Variants in ACACA observed in about 807,000 individuals in gnomAD.
ACACA encodes acetyl-CoA carboxylase alpha.
ACACA carries 103 observed loss-of-function variants against 296.1 expected under a neutral mutation model. The observed-to-expected ratio is 0.35, with a 90% confidence interval of 0.30 to 0.41. ACACA has a LOEUF of 0.41. Among genes scored for constraint, ACACA ranks in the 10% least tolerant of loss-of-function variants. ACACA has a pLI of 1.00. For synonymous variants in ACACA, 953 were observed against 1,038.6 expected (o/e 0.92, Z 1.58); for missense variants, 1,554 against 2,989.7 (o/e 0.52, Z 11.20).
intron 3 of ACACA, among the ~76,000 whole-genome samples, chr17:37,295,277 GAA>G (rs1236016439): frequency 6.6e-6 from 1 of 152,046 alleles, no homozygotes. Flanking sequence ...AGTTGGAAAG[GAA>G]AAGAGAGAGA....
chr17:37,119,235 T>C (rs141221356), intron 50 of ACACA, among the ~76,000 whole-genome samples: 3 of 152,284 alleles, frequency 2.0e-5, no homozygotes, highest in Non-Finnish European at 4.4e-5. Flanking sequence ...AATATCCTGG[T>C]ATTTTGTTTA....
chr17:37,247,361 C>G (rs191397206), intron 18 of ACACA, among the ~76,000 whole-genome samples: 3 of 135,056 alleles, frequency 2.2e-5, no homozygotes, highest in African/African-American at 9.9e-5. Context: ...TGGTGTTGAA[C>G]ATTTGTGAAT....
intron 18 of ACACA, 80 bp downstream of exon 18, chr17:37,247,931 G>C: frequency 6.3e-7 from 1 of 1,580,214 alleles, no homozygotes; most frequent in East Asian, 2.2e-5. Context: ...GAAAAGCCTG[G>C]GAAAATCCCA....
In ACACA at chr17:37,243,502, G is replaced by A; in HGVS notation, c.2800C>T (p.Leu934=). ...KTLRDPSLPL[L]ELQDIMTSVS... ...CTGGTCATAATATCTTGCAATTCTA[G>A]GAGAGGCAGGGAGGGATCTCTGAGG... The change falls in exon 22 of 56, where the codon CTA becomes TTA. Residue 934 remains leucine (L), a synonymous_variant. Transcript: ENST00000616317. The A allele has an allele frequency of 6.2e-7, 1 of 1,614,148 alleles. No individual in the cohort carries two copies. The highest frequency in any genetic ancestry group is 8.5e-7 in the Non-Finnish European group (1 of 1,180,022).
At chr17:37,362,760 G>A (rs1428354941) in intron 1 of ACACA, among the ~76,000 whole-genome samples, 1 of 152,070 alleles carries the variant, frequency 6.6e-6, no homozygotes, top group Non-Finnish European at 1.5e-5. Context: ...TGGATCACGA[G>A]GTCAGGATAT....
chr17:37,332,078 T>C (rs572166779), intron 2 of ACACA, among the ~76,000 whole-genome samples: 3 of 152,212 alleles, frequency 2.0e-5, no homozygotes, highest in South Asian at 4.2e-4. Context: ...TTTTTCTAAA[T>C]GTAGGGCCTT....
At chr17:37,318,949 A>T (rs1190200202) in intron 3 of ACACA, among the ~76,000 whole-genome samples, 1 of 152,232 alleles carries the variant, frequency 6.6e-6, no homozygotes, top group African/African-American at 2.4e-5. Context: ...TGATTATAAA[A>T]TTCATTAAAA....
chr17:37,154,370 A>T (rs1438604130), intron 43 of ACACA, among the ~76,000 whole-genome samples: 1 of 152,192 alleles, frequency 6.6e-6, no homozygotes, highest in Non-Finnish European at 1.5e-5. Flanking sequence ...AGGAAAAATT[A>T]AAAATGTGAG....
intron 37 of ACACA, 81 bp downstream of exon 37, chr17:37,192,009 G>A (rs1238447736): frequency 7.3e-7 from 1 of 1,372,112 alleles, no homozygotes; most frequent in Non-Finnish European, 1.0e-6. Flanking sequence ...CTCAGCAGAA[G>A]CATAATACCT....
chr17:37,318,735 A>G (rs1325721331), intron 3 of ACACA, among the ~76,000 whole-genome samples: 1 of 152,212 alleles, frequency 6.6e-6, no homozygotes, highest in Non-Finnish European at 1.5e-5. Context: ...AATGTATTAT[A>G]CCAATATGGC....
intron 3 of ACACA, among the ~76,000 whole-genome samples, chr17:37,307,907 A>G (rs993177319): frequency 6.6e-6 from 1 of 151,250 alleles, no homozygotes; most frequent in African/African-American, 2.4e-5. Flanking sequence ...TTATAGTAGG[A>G]TATTTTAATA....
At chr17:37,374,417 G>C (rs1465295988) in intron 1 of ACACA, among the ~76,000 whole-genome samples, 8 of 151,684 alleles carry the variant, frequency 5.3e-5, no homozygotes, top group Non-Finnish European at 1.2e-4. Flanking sequence ...CTCCCAAGTA[G>C]CTGGGATTAC....
At chr17:37,159,194 T>A (rs1250445981) in intron 42 of ACACA, among the ~76,000 whole-genome samples, 2 of 151,742 alleles carry the variant, frequency 1.3e-5, no homozygotes, top group African/African-American at 4.8e-5. Context: ...AAAAAAGAGA[T>A]AAAATTAATA....
chr17:37,225,118 C>T lies in ACACA; in HGVS notation c.3361-13G>A. 1.4e-6 allele frequency: 2 copies of T among 1,480,050 alleles called. No individual in the cohort carries two copies. Among genetic ancestry groups the T allele is most frequent in the Admixed American group, 1.7e-5 (1 of 59,812 alleles). 91.7% of individuals were successfully genotyped at this position (1,480,050 alleles called of 1,614,324 possible). ...AGGCAATAAGAACCTAGAGTGAGAA[C>T]AAAATAGGAGGCACACATTCCTCGG... On this transcript the variant is annotated splice_polypyrimidine_tract_variant and intron_variant, in intron 26 of 55. Transcript: ENST00000616317.
chr17:37,102,510 C>T (rs763470125), intron 52 of ACACA, among the ~76,000 whole-genome samples: 5 of 152,146 alleles, frequency 3.3e-5, no homozygotes, highest in Non-Finnish European at 5.9e-5. Flanking sequence ...CTGCATCCAG[C>T]TCTTAAGTGG....
intron 39 of ACACA, among the ~76,000 whole-genome samples, chr17:37,186,906 A>G (rs1039296879): frequency 3.9e-5 from 6 of 152,146 alleles, no homozygotes; most frequent in Non-Finnish European, 7.4e-5. Flanking sequence ...GAAAAAAAAA[A>G]AAAGAAAGAA....
intron 14 of ACACA, among the ~76,000 whole-genome samples, chr17:37,257,109 T>C (rs1010011921): frequency 2.0e-5 from 3 of 152,190 alleles, no homozygotes; most frequent in Non-Finnish European, 4.4e-5. Flanking sequence ...CTAACATTTA[T>C]GATATAGCAG....
At chr17:37,312,891 A>G (rs888932537) in intron 3 of ACACA, among the ~76,000 whole-genome samples, 3 of 152,198 alleles carry the variant, frequency 2.0e-5, no homozygotes, top group African/African-American at 7.2e-5. Flanking sequence ...AAACAAAAAA[A>G]ATATATAAAG....
intron 43 of ACACA, 109 bp from the exon 44 acceptor site, chr17:37,151,530 T>C (rs905945747): frequency 3.5e-5 from 47 of 1,348,594 alleles, no homozygotes; most frequent in Admixed American, 1.5e-4. Context: ...AAAGCTTATA[T>C]TTAATGCCAG....
Sources: allele counts gnomAD v4.1 joint callset (sites outside exome capture counted in the v4.1 genomes callset), GRCh38; gene constraint gnomAD v4.1.1; transcripts MANE v1.5; gene names NCBI Gene and HGNC (gene_info 2026-07-23, HGNC 2026-07-21).